Variants in CCSER1 observed in about 807,000 individuals in gnomAD.
CCSER1 encodes serine-rich coiled-coil domain-containing protein 1.
A neutral mutation model predicts 82.0 loss-of-function variants in CCSER1; 41 were observed. The ratio of observed to expected loss-of-function variants is 0.50; its 90% CI spans 0.39 to 0.65. CCSER1 has a LOEUF of 0.65. Ranked by LOEUF, CCSER1 falls within the 30% of genes least tolerant of loss-of-function variation. The pLI is 0.00. For missense variants in CCSER1, 1,119 were observed against 1,064.2 expected (o/e 1.05, Z -0.72); for synonymous variants, 414 against 383.9 (o/e 1.08, Z -0.92).
At chr4:90,257,756 G>C (rs1313129265) in intron 1 of CCSER1, among the ~76,000 whole-genome samples, 1 of 152,138 alleles carries the variant, frequency 6.6e-6, no homozygotes, top group African/African-American at 2.4e-5. Flanking sequence ...GTTCCAGTCT[G>C]AATCTGAGTC....
At chr4:91,254,463 T>G (rs1009976849) in intron 10 of CCSER1, among the ~76,000 whole-genome samples, 1 of 152,150 alleles carries the variant, frequency 6.6e-6, no homozygotes, top group African/African-American at 2.4e-5. Context: ...ACAAGTACTA[T>G]CTGATTCTAC....
chr4:90,325,213 C>T (rs1737939895), intron 3 of CCSER1, among the ~76,000 whole-genome samples: 1 of 152,142 alleles, frequency 6.6e-6, no homozygotes, highest in Non-Finnish European at 1.5e-5. Context: ...CATTGCTCTA[C>T]CTCCTACATT....
At chr4:90,898,695 G>A (rs139050955) in intron 8 of CCSER1, among the ~76,000 whole-genome samples, 83 of 152,006 alleles carry the variant, frequency 5.5e-4, no homozygotes, top group African/African-American at 1.9e-3. Flanking sequence ...ACCATTTATT[G>A]AATAAGGAGT....
intron 10 of CCSER1, among the ~76,000 whole-genome samples, chr4:91,309,764 T>A (rs1293312794): frequency 6.6e-6 from 1 of 151,978 alleles, no homozygotes. Flanking sequence ...AGAATTTAAT[T>A]TTTTCCTTAG....
intron 8 of CCSER1, among the ~76,000 whole-genome samples, chr4:90,835,236 C>A (rs1761649453): frequency 6.6e-6 from 1 of 152,124 alleles, no homozygotes; most frequent in Admixed American, 6.5e-5. Context: ...GAGGCTGAGG[C>A]AGGAGAATGG....
At chr4:91,455,385 A>C (rs936554589) in intron 10 of CCSER1, among the ~76,000 whole-genome samples, 6 of 152,064 alleles carry the variant, frequency 3.9e-5, no homozygotes, top group African/African-American at 1.4e-4. Flanking sequence ...CTTTTGGAAA[A>C]TGATTAAATC....
At chr4:90,320,255 A>G (rs1462056413) in intron 3 of CCSER1, among the ~76,000 whole-genome samples, 1 of 152,246 alleles carries the variant, frequency 6.6e-6, no homozygotes, top group African/African-American at 2.4e-5. Flanking sequence ...TGGTTAAATA[A>G]TGATACATGT....
rs545930004 is a variant in CCSER1 at position 90,870,256 on chromosome 4, CTTG to C, written c.2095-53109_2095-53107del. On this transcript the variant is annotated intron_variant, in intron 8 of 10. Transcript: ENST00000509176. ...TGAATAACAGTGGTGAAAGTGTACT[CTTG>C]TTGTGTTCCAGATCTTAGAGGAAAG... 4.0e-4 allele frequency among the ~76,000 whole-genome samples: 61 copies of C among 151,792 alleles called. No homozygotes were observed. In the South Asian group the frequency reaches 6.8e-3, roughly 17 times the overall value.
chr4:90,500,385 G>C (rs1769679640), intron 5 of CCSER1, among the ~76,000 whole-genome samples: 1 of 151,850 alleles, frequency 6.6e-6, no homozygotes, highest in Admixed American at 6.6e-5. Context: ...ACGCTGGAGT[G>C]TAGTGGTACA....
In CCSER1 at chr4:90,308,793, G is replaced by A. The variant is rs549014692; in HGVS notation, c.509G>A (p.Arg170His). ...TCTGGTTTCACAGAAGACCAAACTC[G>A]TCGTTCTGTTAAGCAGTCAACAAGG... Reference protein sequence around the residue: ...DDSGFTEDQTRRSVKQSTRKL... With the variant: ...DDSGFTEDQTHRSVKQSTRKL... The change falls in exon 2 of 11, where the codon CGT (arginine) becomes CAT (histidine). Residue 170 changes from arginine to histidine, a missense_variant. Arg to His is a conservative substitution (Grantham distance 29). Transcript: ENST00000509176. 94 of 1,613,748 alleles carry A rather than the reference G, an allele frequency of 5.8e-5. No individual in the cohort carries two copies. In the South Asian group the frequency reaches 7.6e-4, roughly 13 times the overall value.
At chr4:90,169,088 T>C (rs1376970510) in intron 1 of CCSER1, among the ~76,000 whole-genome samples, 2 of 152,110 alleles carry the variant, frequency 1.3e-5, no homozygotes, top group African/African-American at 2.4e-5. Context: ...GTTCACGATA[T>C]TGATTCTTCC....
chr4:90,850,954 C>G lies in CCSER1; in HGVS notation c.2094+35109C>G, dbSNP rs547081883. On this transcript the variant is annotated intron_variant, in intron 8 of 10. Transcript: ENST00000509176. ...ATTCCCCACATTTCAAGGGTAGAAC[C>G]AGGTGGAGATAATTGAATCATGGAC... 3.0e-4 allele frequency among the ~76,000 whole-genome samples: 46 copies of G among 152,276 alleles called. No individual in the cohort carries two copies. The South Asian group carries it at 5.8e-3, about 19-fold the overall frequency.
intron 10 of CCSER1, among the ~76,000 whole-genome samples, chr4:91,424,005 T>TA (rs1753826567): frequency 7.9e-6 from 1 of 127,178 alleles, no homozygotes; most frequent in Non-Finnish European, 1.6e-5. Flanking sequence ...GCAGATCTTT[T>TA]TTTTTTTTTT....
intron 4 of CCSER1, among the ~76,000 whole-genome samples, chr4:90,449,107 C>A (rs1578518896): frequency 6.6e-6 from 1 of 152,062 alleles, no homozygotes; most frequent in South Asian, 2.1e-4. Flanking sequence ...AGGCAGGTCA[C>A]CCTGACATCT....
rs547324845 is a variant in CCSER1 at position 90,424,048 on chromosome 4, G to A, written c.1603+23919G>A. Among the ~76,000 whole-genome samples the A allele has an allele frequency of 2.3e-3, 346 of 150,504 alleles. 1 individual carries two copies. The highest frequency in any genetic ancestry group is 3.5e-3 in the Non-Finnish European group (236 of 67,678). On this transcript the variant is annotated intron_variant, in intron 4 of 10. Coordinates refer to ENST00000509176, the MANE Select transcript of CCSER1 (RefSeq NM_001145065.2). ...TGAGGTTGCAGTGAGCAGAGATTGCGCCACTGCGCTCCAGCCTGGGTGACA... is the reference window on the plus strand; with the variant it reads ...TGAGGTTGCAGTGAGCAGAGATTGCACCACTGCGCTCCAGCCTGGGTGACA...
rs531219860 is a variant in CCSER1 at position 90,153,970 on chromosome 4, G to C, written c.-42+26139G>C. Among the ~76,000 whole-genome samples the C allele has an allele frequency of 2.3e-3, 351 of 152,260 alleles. 1 individual carries two copies. Among genetic ancestry groups the C allele is most frequent in the Non-Finnish European group, 4.3e-3 (295 of 68,038 alleles). On this transcript the variant is annotated intron_variant, in intron 1 of 10. Transcript: ENST00000509176. ...CCTTGCCCATGCCTCTGTCCTGAAT[G>C]GTACTGCCTAGGTTTTCTTCTAGGG...
chr4:91,570,592 A>G (rs1763127847), intron 10 of CCSER1, among the ~76,000 whole-genome samples: 1 of 152,218 alleles, frequency 6.6e-6, no homozygotes, highest in Non-Finnish European at 1.5e-5. Flanking sequence ...CCACGACCCA[A>G]GCTGTACCTT....
chr4:90,772,705 A>G (rs1404328524), intron 7 of CCSER1, among the ~76,000 whole-genome samples: 4 of 152,212 alleles, frequency 2.6e-5, no homozygotes, highest in Non-Finnish European at 5.9e-5. Flanking sequence ...TGGCAGAACT[A>G]CTGTGACTTG....
intron 10 of CCSER1, among the ~76,000 whole-genome samples, chr4:91,541,710 C>A (rs1761609675): frequency 6.6e-6 from 1 of 152,084 alleles, no homozygotes; most frequent in Non-Finnish European, 1.5e-5. Flanking sequence ...GTCTTTATAG[C>A]AGCATGATTT....
Sources: gnomAD v4.1 joint callset for allele counts (sites outside exome capture counted in the v4.1 genomes callset) on GRCh38, gnomAD v4.1.1 for gene constraint, MANE v1.5 for transcripts, NCBI Gene and HGNC (gene_info 2026-07-23, HGNC 2026-07-21) for gene names.